SEL1L3: variants seen among roughly 807,000 people sequenced by gnomAD.
SEL1L3 encodes the protein SEL1L family member 3.
SEL1L3 carries 76 observed loss-of-function variants against 142.8 expected under a neutral mutation model. The ratio of observed to expected loss-of-function variants is 0.53; its 90% CI spans 0.44 to 0.64. The LOEUF (loss-of-function observed/expected upper bound fraction) is 0.64. Among genes scored for constraint, SEL1L3 ranks in the 30% least tolerant of loss-of-function variants. The pLI, the probability that SEL1L3 is intolerant of heterozygous loss-of-function variation, is 0.00. For synonymous variants in SEL1L3, 504 were observed against 519.6 expected (o/e 0.97, Z 0.41); for missense variants, 1,262 against 1,381.7 (o/e 0.91, Z 1.37).
chr4:25,825,309 T>C (rs1207914788), intron 6 of SEL1L3, among the ~76,000 whole-genome samples: 1 of 152,222 alleles, frequency 6.6e-6, no homozygotes, highest in African/African-American at 2.4e-5. Context: ...TGCACAAAGA[T>C]TGCAAGAGAT....
intron 3 of SEL1L3, 123 bp downstream of exon 3, chr4:25,835,074 C>G (rs75237977): frequency 8.2e-7 from 1 of 1,218,118 alleles, no homozygotes; most frequent in Non-Finnish European, 1.2e-6. Flanking sequence ...GAAATCTCAA[C>G]ATTTTTGCAA....
At chr4:25,813,803 T>C (rs542669568) in intron 9 of SEL1L3, among the ~76,000 whole-genome samples, 3 of 152,318 alleles carry the variant, frequency 2.0e-5, no homozygotes, top group Admixed American at 1.3e-4. Flanking sequence ...AATAGAATAA[T>C]ACGGTTATTC....
Position 25,830,159 on chromosome 4 carries a change from A to G in SEL1L3, c.1099-3T>C, listed in dbSNP as rs774597447. ...CCAATGCTAGTGGTTACTACTATCT[A>G]TGATGGGAGGGATACACAAGAATCA... On this transcript the variant is annotated splice_polypyrimidine_tract_variant and splice_region_variant and intron_variant, in intron 5 of 23. Coordinates refer to ENST00000399878, the MANE Select transcript of SEL1L3 (RefSeq NM_015187.5). 43 of 1,595,504 alleles carry G rather than the reference A, an allele frequency of 2.7e-5. No individual in the cohort carries two copies. Among genetic ancestry groups the G allele is most frequent in the African/African-American group, 1.3e-5 (1 of 74,548 alleles).
chr4:25,789,023 C>T lies in SEL1L3; in HGVS notation c.2077-659G>A, dbSNP rs772741912. On this transcript the variant is annotated intron_variant, in intron 12 of 23. Coordinates refer to ENST00000399878, the MANE Select transcript of SEL1L3 (RefSeq NM_015187.5). ...AAGCTCTGGCACACCCAGGAAATGG[C>T]TCTGGCAGAGTCATTCCCAGAGCTA... 3.3e-5 allele frequency among the ~76,000 whole-genome samples: 5 copies of T among 152,156 alleles called. 1 individual carries two copies. Among genetic ancestry groups the T allele is most frequent in the African/African-American group, 4.8e-5 (2 of 41,410 alleles).
At chr4:25,796,706 G>C (rs868682489) in intron 11 of SEL1L3, among the ~76,000 whole-genome samples, 2 of 150,434 alleles carry the variant, frequency 1.3e-5, no homozygotes, top group South Asian at 2.1e-4. Flanking sequence ...GTATGAGCCC[G>C]GGAGGTGGAG....
intron 9 of SEL1L3, among the ~76,000 whole-genome samples, chr4:25,809,770 T>C (rs181113020): frequency 0.025 from 3,822 of 152,308 alleles, 70 homozygotes; most frequent in Non-Finnish European, 0.041. Context: ...TATGCTTTTT[T>C]AAAAAAGGTA....
chr4:25,727,245 A>G, the SEL1L3 span, among the ~76,000 whole-genome samples: 1 of 151,672 alleles, frequency 6.6e-6, no homozygotes, highest in East Asian at 1.9e-4. Flanking sequence ...GTAGAGATGG[A>G]GTTTCACCAT....
At chr4:25,856,301 C>CT (rs1248307971) in intron 1 of SEL1L3, among the ~76,000 whole-genome samples, 1 of 152,048 alleles carries the variant, frequency 6.6e-6, no homozygotes, top group Non-Finnish European at 1.5e-5. Context: ...GAGATAATGC[C>CT]TTAAAAGCAC....
chr4:25,731,269 G>A, the SEL1L3 span, among the ~76,000 whole-genome samples: 4 of 152,178 alleles, frequency 2.6e-5, no homozygotes, highest in East Asian at 3.9e-4. Context: ...TACTGGCCAT[G>A]GAGTTTCACA....
intron 10 of SEL1L3, 40 bp downstream of exon 10, chr4:25,804,501 T>C (rs1470620775): frequency 2.8e-6 from 4 of 1,437,734 alleles, no homozygotes; most frequent in Non-Finnish European, 3.9e-6. Flanking sequence ...GCAAATATAA[T>C]GCAAGTGACT....
chr4:25,837,769 G>A (rs1267926934), intron 2 of SEL1L3, among the ~76,000 whole-genome samples: 1 of 152,064 alleles, frequency 6.6e-6, no homozygotes, highest in Non-Finnish European at 1.5e-5. Flanking sequence ...TATAGGATAT[G>A]TTATTTATCC....
chr4:25,856,964 C>T (rs1717303959), intron 1 of SEL1L3, among the ~76,000 whole-genome samples: 1 of 152,214 alleles, frequency 6.6e-6, no homozygotes, highest in Non-Finnish European at 1.5e-5. Context: ...TTGGCATGTA[C>T]ACATGTCTGT....
At chr4:25,731,662 T>A in the SEL1L3 span, among the ~76,000 whole-genome samples, 1 of 152,220 alleles carries the variant, frequency 6.6e-6, no homozygotes, top group Admixed American at 6.5e-5. Flanking sequence ...GTATTAATAG[T>A]TCATTCCTTC....
At position 25,802,454 on chromosome 4, in the gene SEL1L3, C is replaced by A; in HGVS notation, c.1785G>T (p.Leu595Phe). 6.2e-7 allele frequency: 1 copy of A among 1,611,156 alleles called. No individual in the cohort carries two copies. The highest frequency in any genetic ancestry group is 8.5e-7 in the Non-Finnish European group (1 of 1,178,240). The change falls in exon 11 of 24, where the codon TTG (leucine) becomes TTT (phenylalanine). Residue 595 changes from leucine (L) to phenylalanine (F), a missense_variant. This residue lies in a region of SEL1L3 where 435 missense variants were observed against 559.2 expected (regional missense o/e 0.78). Transcript: ENST00000399878. ...TCCCCTGGCCTCCAACCAAACTATA[C>A]AACATGCCCTGTTAGGAAGAAATTG... is the stretch of plus-strand genomic sequence containing the variant. ...NVPRDQLQGM[L>F]YSLVGGQGSE... is the part of the protein sequence containing the mutation.
chr4:25,815,937 C>A (rs975638737), intron 9 of SEL1L3, among the ~76,000 whole-genome samples: 1 of 150,724 alleles, frequency 6.6e-6, no homozygotes, highest in South Asian at 2.1e-4. Context: ...ACACACAGGA[C>A]AGCCCCCAAC....
chr4:25,760,263 A>T (rs898920607), intron 20 of SEL1L3, among the ~76,000 whole-genome samples: 7 of 152,100 alleles, frequency 4.6e-5, no homozygotes, highest in Admixed American at 6.5e-5. Context: ...ATTCTTTTTT[A>T]TGGCTGCATA....
Position 25,822,000 on chromosome 4 carries a change from G to T in SEL1L3, c.1286C>A (p.Ala429Asp), listed in dbSNP as rs112964840. 2 of 1,613,270 alleles carry T rather than the reference G, an allele frequency of 1.2e-6. No individual in the cohort carries two copies. Among genetic ancestry groups the T allele is most frequent in the Non-Finnish European group, 1.7e-6 (2 of 1,179,700 alleles). Residue 429 changes from alanine to aspartate, a missense_variant, in exon 7 of 24, where the codon GCC becomes GAC. Transcript: ENST00000399878. ...KYYRLRSLHP[A>D]QIFNPLLEKQ... ...TTCCTGATCCCCTGGACTCACCTGG[G>T]CGGGGTGCAGACTGCGAAGGCGATA...
At chr4:25,757,137 G>A (rs978090445) in intron 23 of SEL1L3, among the ~76,000 whole-genome samples, 30 of 151,918 alleles carry the variant, frequency 2.0e-4, no homozygotes, top group Admixed American at 8.5e-4. Context: ...GTGTGGTGGC[G>A]CACACCTGTA....
chr4:25,818,256 C>G lies in SEL1L3; in HGVS notation c.1446G>C (p.Leu482=). ...QEACHLHNSY[L]DLQRRYGRPS... ...GTCTCCCATACCTGCGCTGGAGGTC[C>G]AGGTAGGAGTTGTGGAGGTGGCCTA... Residue 482 remains leucine, a synonymous_variant, in exon 9 of 24, where the codon CTG becomes CTC. Coordinates refer to ENST00000399878, the MANE Select transcript of SEL1L3 (RefSeq NM_015187.5). The G allele has an allele frequency of 6.2e-7, 1 of 1,602,002 alleles. No homozygotes were observed. Among genetic ancestry groups the G allele is most frequent in the Non-Finnish European group, 8.5e-7 (1 of 1,174,274 alleles).
Sources: allele counts gnomAD v4.1 joint callset (sites outside exome capture counted in the v4.1 genomes callset), GRCh38; gene constraint gnomAD v4.1.1; regional missense constraint gnomAD v4.1.1; transcripts MANE v1.5; gene names NCBI Gene and HGNC (gene_info 2026-07-23, HGNC 2026-07-21).